The following CSF2RB variants were observed in gnomAD, a reference collection of about 807,000 sequenced individuals.
The protein encoded by CSF2RB is colony stimulating factor 2 receptor subunit beta.
A neutral mutation model predicts 67.2 loss-of-function variants in CSF2RB; 22 were observed. That is an observed-to-expected ratio of 0.33 (90% CI 0.23 to 0.47). CSF2RB has a LOEUF of 0.47. Ranked by LOEUF, CSF2RB falls within the 20% of genes least tolerant of loss-of-function variation. CSF2RB has a pLI of 1.00. For synonymous variants in CSF2RB, 507 were observed against 482.9 expected, an observed-to-expected ratio of 1.05 and a Z score of -0.65; for missense variants, 1,113 against 1,174.5, an observed-to-expected ratio of 0.95 and a Z score of 0.76.
chr22:36,917,612 A>T (rs1196132557), intron 1 of CSF2RB, among the ~76,000 whole-genome samples: 1 of 151,670 alleles, frequency 6.6e-6, no homozygotes, highest in African/African-American at 2.4e-5. Flanking sequence ...GTTTTTAGGG[A>T]TTTAAAATGT....
At chr22:36,920,834 A>G (rs936877261) in intron 1 of CSF2RB, among the ~76,000 whole-genome samples, 1 of 152,174 alleles carries the variant, frequency 6.6e-6, no homozygotes, top group Admixed American at 6.5e-5. Flanking sequence ...ATGGTGTAAA[A>G]TGGGGTTTTA....
intron 3 of CSF2RB, among the ~76,000 whole-genome samples, chr22:36,925,094 C>T (rs1376961870): frequency 6.6e-6 from 1 of 152,252 alleles, no homozygotes; most frequent in Non-Finnish European, 1.5e-5. Flanking sequence ...GCGCTGCTGC[C>T]TCTGTCTTCC....
chr22:36,933,540 G>A (rs376765229), intron 9 of CSF2RB, among the ~76,000 whole-genome samples: 10 of 152,240 alleles, frequency 6.6e-5, no homozygotes, highest in African/African-American at 2.4e-4. Context: ...GCCCCAGAAG[G>A]GCTGGGAGCT....
intron 1 of CSF2RB, among the ~76,000 whole-genome samples, chr22:36,914,912 A>G (rs5756405): frequency 0.43 from 64,949 of 152,086 alleles, 16,390 homozygotes; most frequent in Admixed American, 0.57. Flanking sequence ...ACAGAAACCT[A>G]CCTTCATGAA....
rs1033369113 is a variant in CSF2RB, at chr22:36,937,800, G to C, written c.1992G>C (p.Gly664=). Residue 664 remains glycine, a synonymous_variant, in exon 14 of 14, where the codon GGG becomes GGC. Transcript: ENST00000403662. The surrounding 1 kb of genome is among the most constrained non-coding windows in gnomAD (Gnocchi z 4.6). The stretch of plus-strand genomic sequence containing the variant: ...GAAGGCCGAGCCAGGGGGCTGCAGG[G>C]AGTCCCTCCCTGGAGTCCGGGGGAG... ...VERRPSQGAA[G]SPSLESGGGP... is the part of the protein sequence containing the mutation. The C allele has an allele frequency of 6.3e-7, 1 of 1,595,428 alleles. No homozygotes were observed. The highest frequency in any genetic ancestry group is 2.3e-5 in the East Asian group (1 of 44,268).
In CSF2RB at chr22:36,939,780, G is replaced by C. The variant is rs1941349537; in HGVS notation, c.*1278G>C. ...AATCTGTTGTTTGTCTTATAATGTT[G>C]TATATGAGGTTTTATGGTGTATGAA... is the stretch of plus-strand genomic sequence containing the variant. On this transcript the variant is annotated 3_prime_UTR_variant, in exon 14 of 14. Coordinates refer to ENST00000403662, the MANE Select transcript of CSF2RB (RefSeq NM_000395.3). The C allele has an allele frequency of 6.3e-6, 1 of 157,664 alleles. No individual in the cohort carries two copies. Among genetic ancestry groups the C allele is most frequent in the African/African-American group, 2.4e-5 (1 of 41,484 alleles). The allele number at this position is 157,664 out of a possible 1,614,324, so 9.8% of individuals were successfully genotyped here.
chr22:36,930,186 G>A (rs1397709942), intron 6 of CSF2RB, among the ~76,000 whole-genome samples, 189 bp from the exon 7 acceptor site: 2 of 151,400 alleles, frequency 1.3e-5, no homozygotes, highest in South Asian at 2.1e-4. Flanking sequence ...GCGTGCAGGT[G>A]CACAGAACTC....
At chr22:36,914,235 C>G (rs1940662991) in intron 1 of CSF2RB, among the ~76,000 whole-genome samples, 1 of 152,034 alleles carries the variant, frequency 6.6e-6, no homozygotes, top group African/African-American at 2.4e-5. Context: ...TCTGGGGATG[C>G]AGGAGTGCAG....
intron 1 of CSF2RB, among the ~76,000 whole-genome samples, chr22:36,920,912 A>G (rs145199380): frequency 6.6e-6 from 1 of 152,174 alleles, no homozygotes; most frequent in Non-Finnish European, 1.5e-5. Flanking sequence ...TCATCGCTTC[A>G]CATTGATTCC....
At chr22:36,920,502 T>G (rs1036274068) in intron 1 of CSF2RB, among the ~76,000 whole-genome samples, 2 of 152,218 alleles carry the variant, frequency 1.3e-5, no homozygotes. Context: ...ATCTTGAACT[T>G]CCCAGCCTCC....
chr22:36,921,000 T>A (rs1431002014), intron 1 of CSF2RB, among the ~76,000 whole-genome samples: 1 of 151,744 alleles, frequency 6.6e-6, no homozygotes, highest in Non-Finnish European at 1.5e-5. Flanking sequence ...TGTGTGTGTA[T>A]GTGTGTCTGT....
chr22:36,934,137 A>G lies in CSF2RB; in HGVS notation c.1315+143A>G, dbSNP rs77282362. 6.0e-3 allele frequency: 7,087 copies of G among 1,180,966 alleles called. 334 individuals carry two copies. The African/African-American group carries it at 0.097, about 16-fold the overall frequency. The allele number at this position is 1,180,966 out of a possible 1,614,324, so 73.2% of individuals were successfully genotyped here. ...CTCCCCGATTAGATGGTGGCCAAAG[A>G]GAAAGGGAAGGCCTTTGCAGAGAGC... On this transcript the variant is annotated intron_variant, in intron 10 of 13. Coordinates refer to ENST00000403662, the MANE Select transcript of CSF2RB (RefSeq NM_000395.3).
At chr22:36,922,354 C>A in intron 2 of CSF2RB, 71 bp downstream of exon 2, 21 of 1,421,714 alleles carry the variant, frequency 1.5e-5, no homozygotes, top group Non-Finnish European at 1.9e-5. Context: ...AGGGCCGCAG[C>A]GTATCCTCAG....
intron 8 of CSF2RB, 85 bp downstream of exon 8, chr22:36,930,915 C>T (rs1414774966): frequency 1.3e-6 from 2 of 1,483,748 alleles, no homozygotes; most frequent in Admixed American, 1.7e-5. Flanking sequence ...AGGGTTCCTC[C>T]TGGCCCCGTC....
In CSF2RB at chr22:36,933,829, C is replaced by T; in HGVS notation, c.1153-3C>T. 5 of 1,605,782 alleles carry T rather than the reference C, an allele frequency of 3.1e-6. No homozygotes were observed. Among genetic ancestry groups the T allele is most frequent in the Non-Finnish European group, 2.5e-6 (3 of 1,178,768 alleles). ...AGGCCTCACCCTCAGTGCCAACCCA[C>T]AGGACAGCAAGACCGAGACCCTCCA... On this transcript the variant is annotated splice_polypyrimidine_tract_variant and splice_region_variant and intron_variant, in intron 9 of 13. Transcript: ENST00000403662.
intron 4 of CSF2RB, among the ~76,000 whole-genome samples, chr22:36,926,702 G>A (rs536184961): frequency 6.6e-5 from 10 of 152,284 alleles, no homozygotes; most frequent in African/African-American, 2.4e-4. Flanking sequence ...ATCCCACAGT[G>A]GTCCATGAAG....
intron 2 of CSF2RB, chr22:36,922,565 C>G (rs1022512976): frequency 1.8e-6 from 1 of 562,404 alleles, no homozygotes; most frequent in Non-Finnish European, 3.2e-6. Flanking sequence ...CTGCTCTGGC[C>G]GTTTCCCTGC....
intron 1 of CSF2RB, among the ~76,000 whole-genome samples, chr22:36,914,238 G>C (rs929240240): frequency 6.6e-6 from 1 of 152,104 alleles, no homozygotes; most frequent in Non-Finnish European, 1.5e-5. Flanking sequence ...GGGGATGCAG[G>C]AGTGCAGAGA....
rs1395385513 is a variant in CSF2RB, at chr22:36,922,091, C to A, written c.-117C>A. 6.5e-6 allele frequency: 6 copies of A among 929,056 alleles called. No homozygotes were observed. The highest frequency in any genetic ancestry group is 1.0e-5 in the Non-Finnish European group (6 of 596,350). 57.6% of individuals were successfully genotyped at this position (929,056 alleles called of 1,614,324 possible). On this transcript the variant is annotated 5_prime_UTR_variant, in exon 2 of 14. The change creates a new upstream start codon in the 5' untranslated region. Transcript: ENST00000403662. ...GGTCCCAAGAGCCTGTGAAATGGGT[C>A]TGGCCTGGCTCCCAGCTGGGCAGGA...
Sources: gnomAD v4.1 joint callset for allele counts (sites outside exome capture counted in the v4.1 genomes callset) on GRCh38, gnomAD v4.1.1 for gene constraint, Gnocchi (gnomAD v3.1) non-coding constraint, MANE v1.5 for transcripts, NCBI Gene and HGNC (gene_info 2026-07-23, HGNC 2026-07-21) for gene names.